The following IMMP2L variants were observed in gnomAD, a reference collection of about 807,000 sequenced individuals.
IMMP2L encodes the protein mitochondrial inner membrane protease subunit 2.
Under a neutral mutation model 19.3 loss-of-function variants are expected in IMMP2L, and 18 were observed. That is an observed-to-expected ratio of 0.93 (90% CI 0.64 to 1.38). IMMP2L has a LOEUF of 1.38. Among genes scored for constraint, IMMP2L ranks in the 40% most tolerant of loss-of-function variants. The pLI is 0.00. For synonymous variants in IMMP2L, 76 were observed against 73.0 expected, an observed-to-expected ratio of 1.04 and a Z score of -0.21; for missense variants, 233 against 218.2, an observed-to-expected ratio of 1.07 and a Z score of -0.43.
At chr7:111,056,420 C>T (rs151246181) in intron 3 of IMMP2L, among the ~76,000 whole-genome samples, 78 of 152,320 alleles carry the variant, frequency 5.1e-4, no homozygotes, top group African/African-American at 1.7e-3. Flanking sequence ...TGGAAATACA[C>T]TCATCAGATT....
At chr7:110,809,760 G>A (rs1801897125) in intron 5 of IMMP2L, among the ~76,000 whole-genome samples, 2 of 152,138 alleles carry the variant, frequency 1.3e-5, no homozygotes, top group East Asian at 1.9e-4. Context: ...TGTTTCATCA[G>A]TTGGATACTT....
intron 3 of IMMP2L, among the ~76,000 whole-genome samples, chr7:111,377,779 C>T (rs1170261046): frequency 1.3e-5 from 2 of 151,920 alleles, no homozygotes; most frequent in African/African-American, 4.8e-5. Context: ...CTGTTTTAAT[C>T]TCTTCACCCG....
At chr7:111,259,937 A>G (rs921092511) in intron 3 of IMMP2L, among the ~76,000 whole-genome samples, 2 of 152,080 alleles carry the variant, frequency 1.3e-5, no homozygotes, top group Admixed American at 6.6e-5. Context: ...ACTGTCTTCT[A>G]CCTCCACATC....
intron 4 of IMMP2L, among the ~76,000 whole-genome samples, chr7:110,944,572 T>C (rs1817064377): frequency 6.6e-6 from 1 of 151,556 alleles, no homozygotes; most frequent in Non-Finnish European, 1.5e-5. Context: ...CTGAAAAATC[T>C]CCCTCATTCT....
intron 3 of IMMP2L, chr7:111,125,025 A>C (rs1801147944): frequency 1.4e-6 from 1 of 727,742 alleles, no homozygotes; most frequent in Non-Finnish European, 2.2e-6. Flanking sequence ...CTTTCGAGAG[A>C]GAAGTTTAAG....
intron 3 of IMMP2L, among the ~76,000 whole-genome samples, chr7:111,306,746 G>A (rs2130157690): frequency 1.3e-5 from 2 of 151,618 alleles, no homozygotes; most frequent in African/African-American, 4.8e-5. Context: ...AATCTTTAGA[G>A]ACTCTTTCAA....
intron 5 of IMMP2L, among the ~76,000 whole-genome samples, chr7:110,745,436 A>G (rs1372139137): frequency 6.6e-6 from 1 of 152,156 alleles, no homozygotes; most frequent in Non-Finnish European, 1.5e-5. Flanking sequence ...AGCAACTCCA[A>G]GACACATAAT....
rs530296323 is a variant in IMMP2L at position 111,517,670 on chromosome 7, A to G, written c.135+3643T>C. 1.4e-4 allele frequency among the ~76,000 whole-genome samples: 21 copies of G among 152,236 alleles called. 1 individual carries two copies. The South Asian group carries it at 3.9e-3, about 29-fold the overall frequency. Reference sequence around the variant, plus strand: ...AGCCTCTGTAAGCGATTAAAGTTCTAATTTGAATAATTACATTCCACCTAC... The same window carrying G: ...AGCCTCTGTAAGCGATTAAAGTTCTGATTTGAATAATTACATTCCACCTAC... On this transcript the variant is annotated intron_variant, in intron 2 of 5. Coordinates refer to ENST00000405709, the MANE Select transcript of IMMP2L (RefSeq NM_032549.4).
intron 5 of IMMP2L, among the ~76,000 whole-genome samples, chr7:110,690,433 C>T (rs1793410276): frequency 1.3e-5 from 2 of 151,912 alleles, no homozygotes; most frequent in African/African-American, 2.4e-5. Context: ...TTAAAAACCT[C>T]GGTTGTTGGA....
chr7:111,043,767 G>C (rs1282483790), intron 3 of IMMP2L, among the ~76,000 whole-genome samples: 1 of 152,176 alleles, frequency 6.6e-6, no homozygotes, highest in African/African-American at 2.4e-5. Flanking sequence ...TAGTTAATAT[G>C]TACTAGACAA....
intron 3 of IMMP2L, among the ~76,000 whole-genome samples, chr7:111,101,822 C>T (rs1798012861): frequency 6.6e-6 from 1 of 151,324 alleles, no homozygotes; most frequent in Admixed American, 6.6e-5. Flanking sequence ...AACATAGTTC[C>T]TATCTCTACT....
chr7:111,546,294 T>A (rs546941520), intron 1 of IMMP2L, among the ~76,000 whole-genome samples: 107 of 152,262 alleles, frequency 7.0e-4, no homozygotes, highest in Non-Finnish European at 1.3e-3. Context: ...CCATTAGCAA[T>A]GATCACACTT....
Position 111,424,413 on chromosome 7 carries a change from G to C in IMMP2L, c.239+62825C>G, listed in dbSNP as rs145857505. Among the ~76,000 whole-genome samples the C allele has an allele frequency of 1.8e-3, 271 of 151,796 alleles. 5 individuals are homozygous for C. Among genetic ancestry groups the C allele is most frequent in the African/African-American group, 5.3e-3 (218 of 41,226 alleles). ...GGCTGTGGTATGAATAAAAGAGAGAGGCTAGAGACTACAAGTAATTAACAG... is the reference window on the plus strand; with the variant it reads ...GGCTGTGGTATGAATAAAAGAGAGACGCTAGAGACTACAAGTAATTAACAG... On this transcript the variant is annotated intron_variant, in intron 3 of 5. Transcript: ENST00000405709.
intron 5 of IMMP2L, among the ~76,000 whole-genome samples, chr7:110,752,600 C>T (rs932900581): frequency 9.9e-5 from 15 of 152,092 alleles, no homozygotes; most frequent in Middle Eastern, 3.4e-3. Context: ...TCCATTACTA[C>T]GGCAGCAGGG....
chr7:111,007,732 T>C (rs565308238), intron 3 of IMMP2L, among the ~76,000 whole-genome samples: 1 of 151,758 alleles, frequency 6.6e-6, no homozygotes, highest in African/African-American at 2.4e-5. Context: ...TATATGCATG[T>C]GTGTGTGTGT....
chr7:111,472,917 G>A (rs546645864), intron 3 of IMMP2L, among the ~76,000 whole-genome samples: 11 of 150,552 alleles, frequency 7.3e-5, no homozygotes, highest in Middle Eastern at 3.4e-3. Context: ...CCAACATGGC[G>A]AAACCAAGTC....
chr7:110,939,093 A>C (rs1816426923), intron 4 of IMMP2L, among the ~76,000 whole-genome samples: 1 of 152,130 alleles, frequency 6.6e-6, no homozygotes, highest in Non-Finnish European at 1.5e-5. Context: ...AGGTAGAAGA[A>C]AGTATAGAGA....
At chr7:111,135,634 A>G (rs2129595682) in intron 3 of IMMP2L, among the ~76,000 whole-genome samples, 1 of 152,344 alleles carries the variant, frequency 6.6e-6, no homozygotes, top group East Asian at 1.9e-4. Context: ...TTATTTTAAA[A>G]TACACCATTT....
chr7:111,243,262 A>T (rs1815372356), intron 3 of IMMP2L, among the ~76,000 whole-genome samples: 2 of 152,108 alleles, frequency 1.3e-5, no homozygotes, highest in Admixed American at 1.3e-4. Flanking sequence ...TTATTATGCT[A>T]AAAGAGTTCT....
Sources: gnomAD v4.1 joint callset for allele counts (sites outside exome capture counted in the v4.1 genomes callset) on GRCh38, gnomAD v4.1.1 for gene constraint, MANE v1.5 for transcripts, NCBI Gene and HGNC (gene_info 2026-07-23, HGNC 2026-07-21) for gene names.